Variants in SAMD12 observed in about 807,000 individuals in gnomAD.
SAMD12 encodes sterile alpha motif domain containing 12.
In SAMD12, 9 loss-of-function variants were observed where a neutral mutation model predicts 15.0. That is an observed-to-expected ratio of 0.60 (90% CI 0.36 to 1.05). SAMD12 has a LOEUF of 1.05. Among genes scored for constraint, SAMD12 ranks in the 50% least tolerant of loss-of-function variants. The pLI, the probability that SAMD12 is intolerant of heterozygous loss-of-function variation, is 0.01. For synonymous variants in SAMD12, 86 were observed against 90.1 expected, an observed-to-expected ratio of 0.96 and a Z score of 0.25; for missense variants, 230 against 234.2, an observed-to-expected ratio of 0.98 and a Z score of 0.12.
At chr8:118,432,867 C>T (rs1029195693) in intron 3 of SAMD12, among the ~76,000 whole-genome samples, 2 of 152,102 alleles carry the variant, frequency 1.3e-5, no homozygotes, top group Non-Finnish European at 1.5e-5. Context: ...ACCACCACCA[C>T]TGACAACAAC....
chr8:118,299,766 C>A (rs577672967), intron 4 of SAMD12, among the ~76,000 whole-genome samples: 1 of 152,162 alleles, frequency 6.6e-6, no homozygotes, highest in African/African-American at 2.4e-5. Flanking sequence ...CAAGAATTGG[C>A]AAAAATCTCT....
At chr8:118,197,305 A>C (rs1819593720) in exon 5 of SAMD12, 1 of 218,142 alleles carries the variant, frequency 4.6e-6, no homozygotes, top group Non-Finnish European at 9.1e-6. Context: ...AATTGCTGTA[A>C]TTTTTTTTTT....
intron 2 of SAMD12, among the ~76,000 whole-genome samples, chr8:118,557,622 T>C (rs930680300): frequency 6.6e-6 from 1 of 152,230 alleles, no homozygotes; most frequent in African/African-American, 2.4e-5. Context: ...CTTTTTCATG[T>C]AGCTAATATG....
chr8:118,387,800 G>A (rs1299864052), intron 3 of SAMD12, among the ~76,000 whole-genome samples: 3 of 152,136 alleles, frequency 2.0e-5, no homozygotes, highest in Non-Finnish European at 4.4e-5. Context: ...TCAGGAAAAC[G>A]TCTTCATCTC....
intron 4 of SAMD12, among the ~76,000 whole-genome samples, chr8:118,257,031 A>G (rs998939005): frequency 6.6e-6 from 1 of 152,072 alleles, no homozygotes; most frequent in Admixed American, 6.6e-5. Context: ...CTGCTTGCTC[A>G]TGCTGCAAAC....
At chr8:118,527,283 G>C (rs1346064104) in intron 2 of SAMD12, among the ~76,000 whole-genome samples, 2 of 152,130 alleles carry the variant, frequency 1.3e-5, no homozygotes, top group Admixed American at 6.5e-5. Context: ...GTTTCTCTTG[G>C]GTTTAGTACC....
chr8:118,429,956 G>T (rs1822348112), intron 3 of SAMD12, among the ~76,000 whole-genome samples: 1 of 152,014 alleles, frequency 6.6e-6, no homozygotes, highest in Non-Finnish European at 1.5e-5. Flanking sequence ...GTCTTATTCT[G>T]TATAGAAAAA....
chr8:118,364,149 C>T (rs1388002123), intron 4 of SAMD12, among the ~76,000 whole-genome samples: 1 of 152,126 alleles, frequency 6.6e-6, no homozygotes, highest in Non-Finnish European at 1.5e-5. Context: ...TCTTTATTCA[C>T]AGGAGGTAGT....
At chr8:118,247,255 A>G (rs1391686961) in intron 4 of SAMD12, among the ~76,000 whole-genome samples, 1 of 152,110 alleles carries the variant, frequency 6.6e-6, no homozygotes, top group Non-Finnish European at 1.5e-5. Context: ...GAGGCTGGGG[A>G]GAAGGAGGGG....
chr8:118,568,065 T>C lies in SAMD12; in HGVS notation c.192+12650A>G, dbSNP rs1280440543. Among the ~76,000 whole-genome samples the C allele has an allele frequency of 3.3e-5, 5 of 152,150 alleles. No individual in the cohort carries two copies. The East Asian group carries it at 9.6e-4, about 29-fold the overall frequency. On this transcript the variant is annotated intron_variant, in intron 2 of 3. Transcript: ENST00000314727. ...CTAAAATAATAATAAACATAAATTA[T>C]GTATGGTTTTAGAAAGTGGTGAGTG...
intron 2 of SAMD12, among the ~76,000 whole-genome samples, chr8:118,535,720 G>A (rs1005572587): frequency 6.6e-6 from 1 of 152,190 alleles, no homozygotes; most frequent in South Asian, 2.1e-4. Flanking sequence ...AGTGAGCAAG[G>A]CTCCATGAGC....
chr8:118,528,033 A>T (rs5894441), intron 2 of SAMD12, among the ~76,000 whole-genome samples: 393 of 69,244 alleles, frequency 5.7e-3, no homozygotes, highest in African/African-American at 6.9e-3. Flanking sequence ...ATATATATAT[A>T]TTTTTTTTCC....
intron 2 of SAMD12, among the ~76,000 whole-genome samples, chr8:118,465,215 T>C (rs77552582): frequency 0.03 from 4,521 of 152,228 alleles, 208 homozygotes; most frequent in African/African-American, 0.1. Context: ...GGAGCAATGA[T>C]TATACTTCAC....
chr8:118,591,757 A>T, intron 1 of SAMD12, among the ~76,000 whole-genome samples: 1 of 152,216 alleles, frequency 6.6e-6, no homozygotes, highest in East Asian at 1.9e-4. Context: ...AATAAGAAAT[A>T]AAAGCAAATA....
chr8:118,444,100 C>T lies in SAMD12; in HGVS notation c.193-4139G>A, dbSNP rs529423239. Among the ~76,000 whole-genome samples, 36 of 152,200 alleles carry T rather than the reference C, an allele frequency of 2.4e-4. 1 individual carries two copies. The highest frequency in any genetic ancestry group is 2.3e-3 in the South Asian group (11 of 4,824). ...GATATGCTGCTGGGTTTTTTCTTCCCGCAGTAGGGGCCTAAGCCTAAATAA... is the reference window on the plus strand; with the variant it reads ...GATATGCTGCTGGGTTTTTTCTTCCTGCAGTAGGGGCCTAAGCCTAAATAA... On this transcript the variant is annotated intron_variant, in intron 2 of 3. Transcript: ENST00000314727.
Position 118,496,091 on chromosome 8 carries a change from T to C in SAMD12, c.193-56130A>G, listed in dbSNP as rs1354864958. ...CACAAACAAATGGAAAAACATTCCA[T>C]GCTCATGGATAGGAATAATCTATAT... On this transcript the variant is annotated intron_variant, in intron 2 of 3. Transcript: ENST00000314727. Among the ~76,000 whole-genome samples the C allele has an allele frequency of 2.6e-5, 4 of 152,194 alleles. No individual in the cohort carries two copies. The South Asian group carries it at 6.2e-4, about 24-fold the overall frequency.
rs993118422 is a variant in SAMD12 at position 118,235,135 on chromosome 8, T to A, written c.434-37403A>T. Among the ~76,000 whole-genome samples the A allele has an allele frequency of 1.1e-4, 16 of 152,244 alleles. 1 individual carries two copies. The highest frequency in any genetic ancestry group is 3.9e-4 in the African/African-American group (16 of 41,536). On this transcript the variant is annotated intron_variant, in intron 4 of 4. Coordinates refer to the SAMD12 transcript ENST00000409003. ...AGATGTGTAAACCTCAAACCTCAAA[T>A]TTAGGGTAAGATGCCATTCTCAGTC... is the stretch of plus-strand genomic sequence containing the variant.
At chr8:118,530,553 T>C (rs534513863) in intron 2 of SAMD12, among the ~76,000 whole-genome samples, 3 of 152,164 alleles carry the variant, frequency 2.0e-5, no homozygotes, top group African/African-American at 7.2e-5. Flanking sequence ...TTTTGTCTTG[T>C]TTTTTCTTGT....
chr8:118,379,620 G>A lies in SAMD12; in HGVS notation c.403C>T (p.Gln135Ter). The stretch of plus-strand genomic sequence containing the variant: ...CGCACCTTCAGCTGGAGCACCTGTT[G>A]TAAGATGTGCTGCCGGAGGTTCTCC... ...AQENLRQHILQQVLQLKVREE... is the reference protein window; with the variant it reads ...AQENLRQHIL The change falls in exon 4 of 4, where the codon CAA becomes TAA. Residue 135 changes from glutamine (Q) to a stop codon, truncating the protein, a stop_gained. Transcript: ENST00000314727. LOFTEE classifies it low-confidence loss of function (END_TRUNC). The A allele has an allele frequency of 6.2e-7, 1 of 1,613,974 alleles. No homozygotes were observed. The highest frequency in any genetic ancestry group is 8.5e-7 in the Non-Finnish European group (1 of 1,179,894).
Sources: gnomAD v4.1 joint callset for allele counts (sites outside exome capture counted in the v4.1 genomes callset) on GRCh38, gnomAD v4.1.1 for gene constraint, MANE v1.5 for transcripts, NCBI Gene and HGNC (gene_info 2026-07-23, HGNC 2026-07-21) for gene names.